Variants in PCM1 observed in about 807,000 individuals in gnomAD.
The protein encoded by PCM1 is pericentriolar material 1.
PCM1 carries 157 observed loss-of-function variants against 241.9 expected under a neutral mutation model. The ratio of observed to expected loss-of-function variants is 0.65; its 90% CI spans 0.57 to 0.74. The LOEUF (loss-of-function observed/expected upper bound fraction) is 0.74, where lower values mean the gene tolerates loss of function less well. Among genes scored for constraint, PCM1 ranks in the 30% least tolerant of loss-of-function variants. The pLI is 0.00. For missense variants in PCM1, 3,478 were observed against 2,360.1 expected, an observed-to-expected ratio of 1.47 and a Z score of -9.81; for synonymous variants, 1,085 against 784.9, an observed-to-expected ratio of 1.38 and a Z score of -6.39.
At chr8:17,955,429 T>G (rs2067845119) in intron 9 of PCM1, 41 bp from the exon 10 acceptor site, 1 of 1,448,798 alleles carries the variant, frequency 6.9e-7, no homozygotes, top group Non-Finnish European at 9.3e-7. Context: ...TTATGGTAAC[T>G]GGTGATTAAA....
At chr8:17,949,581 T>C (rs2065216130) in intron 7 of PCM1, among the ~76,000 whole-genome samples, 1 of 151,132 alleles carries the variant, frequency 6.6e-6, no homozygotes, top group Non-Finnish European at 1.5e-5. Flanking sequence ...CACTGCAGCC[T>C]CTGCCTCGCA....
intron 29 of PCM1, among the ~76,000 whole-genome samples, chr8:18,004,646 C>CTGTA (rs1441124490): frequency 6.6e-6 from 1 of 152,126 alleles, no homozygotes; most frequent in Non-Finnish European, 1.5e-5. Context: ...TTTTGTAGGA[C>CTGTA]TGTAGAACTT....
At chr8:18,006,689 A>G (rs911303454) in intron 30 of PCM1, among the ~76,000 whole-genome samples, 2 of 152,158 alleles carry the variant, frequency 1.3e-5, no homozygotes, top group Non-Finnish European at 2.9e-5. Context: ...TGAGTTTGAA[A>G]TGTTTACAAA....
intron 36 of PCM1, 31 bp downstream of exon 36, chr8:18,014,871 T>A: frequency 6.6e-7 from 1 of 1,524,438 alleles, no homozygotes; most frequent in African/African-American, 1.4e-5. Flanking sequence ...CAAATATTTT[T>A]ACTTTTCATT....
chr8:17,924,384 G>A (rs1462314169), intron 1 of PCM1, among the ~76,000 whole-genome samples: 1 of 152,212 alleles, frequency 6.6e-6, no homozygotes, highest in East Asian at 1.9e-4. Context: ...TTGAGTAACA[G>A]GAAGCTCGAT....
intron 16 of PCM1, 164 bp from the exon 17 acceptor site, chr8:17,962,937 T>G: frequency 1.9e-6 from 1 of 540,072 alleles, no homozygotes; most frequent in Non-Finnish European, 3.2e-6. Flanking sequence ...TTTTTTGTAA[T>G]CATAACTATA....
intron 21 of PCM1, among the ~76,000 whole-genome samples, chr8:17,968,973 G>T (rs2075989176): frequency 6.6e-6 from 1 of 151,648 alleles, no homozygotes; most frequent in Non-Finnish European, 1.5e-5. Flanking sequence ...CTATATAAAG[G>T]CTCTTCATTC....
chr8:17,993,971 A>G (rs2085693298), intron 29 of PCM1, among the ~76,000 whole-genome samples: 1 of 152,126 alleles, frequency 6.6e-6, no homozygotes, highest in Non-Finnish European at 1.5e-5. Context: ...CAGGCATGCA[A>G]TATGTAATAA....
At chr8:17,958,773 G>A (rs1173770025) in intron 13 of PCM1, among the ~76,000 whole-genome samples, 2 of 152,138 alleles carry the variant, frequency 1.3e-5, no homozygotes, top group African/African-American at 4.8e-5. Flanking sequence ...CCAGGTTGGA[G>A]TGCAGTGGCA....
rs1050922682 is a variant in PCM1 at position 17,983,273 on chromosome 8, A to C, written c.4109-2174A>C. The C allele has an allele frequency of 3.8e-6, 5 of 1,325,026 alleles. No individual in the cohort carries two copies. The African/African-American group carries it at 7.4e-5, about 20-fold the overall frequency. 82.1% of individuals were successfully genotyped at this position (1,325,026 alleles called of 1,614,324 possible). ...TACTACAGCAGTCTAACAGAAATGC[A>C]TGCAATGAAGCGCCAGGTAACAATC... On this transcript the variant is annotated intron_variant, in intron 24 of 38. Coordinates refer to ENST00000325083, the MANE Select transcript of PCM1 (RefSeq NM_006197.4).
rs774308747 is a variant in PCM1, at chr8:17,972,524, C to G, written c.3780C>G (p.Ser1260Arg). 8.7e-6 allele frequency: 14 copies of G among 1,613,798 alleles called. No homozygotes were observed. The highest frequency in any genetic ancestry group is 1.1e-5 in the Non-Finnish European group (13 of 1,179,824). The change falls in exon 23 of 39, where the codon AGC (serine) becomes AGG (arginine). Residue 1260 changes from serine to arginine, a missense_variant. Ser to Arg is a moderately radical substitution (Grantham distance 110). Transcript: ENST00000325083. Reference sequence around the variant, plus strand: ...AGTTTGATGAAGAATCACTGGAAAGCTTTAGCAGTATGCCTGATCCAGTAG... The same window carrying G: ...AGTTTGATGAAGAATCACTGGAAAGGTTTAGCAGTATGCCTGATCCAGTAG... ...RRQFDEESLE[S>R]FSSMPDPVDP...
intron 28 of PCM1, among the ~76,000 whole-genome samples, chr8:17,992,689 T>A (rs1588027827): frequency 6.7e-6 from 1 of 150,094 alleles, no homozygotes; most frequent in Non-Finnish European, 1.5e-5. Flanking sequence ...CAATCTCAGC[T>A]CACTGCATCC....
chr8:17,960,866 A>G (rs1482157972), intron 15 of PCM1, among the ~76,000 whole-genome samples: 1 of 152,042 alleles, frequency 6.6e-6, no homozygotes, highest in Non-Finnish European at 1.5e-5. Flanking sequence ...TAATTTTGTG[A>G]TTAATGAAGT....
intron 2 of PCM1, among the ~76,000 whole-genome samples, chr8:17,933,977 TATAAC>T (rs1308718322): frequency 1.3e-5 from 2 of 152,138 alleles, no homozygotes; most frequent in African/African-American, 2.4e-5. Flanking sequence ...AAGAGTGAAA[TATAAC>T]AGGAAGGGTC....
intron 24 of PCM1, 109 bp downstream of exon 24, chr8:17,980,864 G>C (rs1179334650): frequency 1.3e-6 from 1 of 742,758 alleles, no homozygotes; most frequent in African/African-American, 1.8e-5. Flanking sequence ...TCTATCATGT[G>C]GAAGGTTTTA....
chr8:17,947,132 C>T, intron 6 of PCM1, 54 bp from the exon 7 acceptor site: 1 of 1,164,800 alleles, frequency 8.6e-7, no homozygotes, highest in Non-Finnish European at 1.2e-6. Context: ...ATAATTGAAA[C>T]CGCAACATGG....
chr8:17,978,894 C>T (rs1465315509), intron 23 of PCM1, among the ~76,000 whole-genome samples: 1 of 152,082 alleles, frequency 6.6e-6, no homozygotes, highest in Non-Finnish European at 1.5e-5. Context: ...TGATTTGTTA[C>T]CAGGAAATCT....
Position 18,006,161 on chromosome 8 carries a change from C to T in PCM1, c.4828-102C>T, listed in dbSNP as rs890055943. 39 of 922,282 alleles carry T rather than the reference C, an allele frequency of 4.2e-5. No homozygotes were observed. In the African/African-American group the frequency reaches 4.4e-4, roughly 10 times the overall value. The allele number at this position is 922,282 out of a possible 1,614,324, so 57.1% of individuals were successfully genotyped here. A position where few individuals can be genotyped will look rare whatever the true frequency, so the allele number is the denominator to read the frequency against. ...ACATCTGAAAATTGAGGAGCATCTA[C>T]GGCAAGAAAATTAAAAATTAACATT... On this transcript the variant is annotated intron_variant, in intron 29 of 38. Coordinates refer to ENST00000325083, the MANE Select transcript of PCM1 (RefSeq NM_006197.4).
intron 36 of PCM1, among the ~76,000 whole-genome samples, chr8:18,023,068 T>G (rs2129488397): frequency 6.6e-6 from 1 of 152,330 alleles, no homozygotes; most frequent in African/African-American, 2.4e-5. Context: ...AGAATAACCA[T>G]GACAATCACA....
Sources: gnomAD v4.1 joint callset for allele counts (sites outside exome capture counted in the v4.1 genomes callset) on GRCh38, gnomAD v4.1.1 for gene constraint, MANE v1.5 for transcripts, NCBI Gene and HGNC (gene_info 2026-07-23, HGNC 2026-07-21) for gene names.